The following FOCAD variants were observed in gnomAD, a reference collection of about 807,000 sequenced individuals.
FOCAD encodes the protein KIAA1797.
A neutral mutation model predicts 225.6 loss-of-function variants in FOCAD; 198 were observed. The ratio of observed to expected loss-of-function variants is 0.88; its 90% CI spans 0.78 to 0.99. FOCAD has a LOEUF of 0.99. Among genes scored for constraint, FOCAD ranks in the 50% least tolerant of loss-of-function variants. FOCAD has a pLI of 0.00. For missense variants in FOCAD, 2,713 were observed against 2,123.6 expected (o/e 1.28, Z -5.46); for synonymous variants, 897 against 755.0 (o/e 1.19, Z -3.08).
chr9:20,889,574 T>G (rs1459050777), intron 21 of FOCAD, among the ~76,000 whole-genome samples: 2 of 152,224 alleles, frequency 1.3e-5, no homozygotes, highest in Non-Finnish European at 2.9e-5. Context: ...ATTTCTGTAC[T>G]CACTTTTGTT....
intron 40 of FOCAD, among the ~76,000 whole-genome samples, chr9:20,987,804 G>A (rs1841320541): frequency 6.6e-6 from 1 of 152,130 alleles, no homozygotes; most frequent in African/African-American, 2.4e-5. Flanking sequence ...AGTCTTTACT[G>A]TGCTGGGAAT....
chr9:20,909,533 A>C (rs1443828166), intron 22 of FOCAD, among the ~76,000 whole-genome samples: 1 of 152,132 alleles, frequency 6.6e-6, no homozygotes, highest in African/African-American at 2.4e-5. Flanking sequence ...AATGCAGGTC[A>C]ATTATTCTGC....
intron 15 of FOCAD, 131 bp downstream of exon 15, chr9:20,823,246 A>G: frequency 1.9e-6 from 2 of 1,038,634 alleles, no homozygotes; most frequent in Non-Finnish European, 2.7e-6. Flanking sequence ...TTTTTCTTGG[A>G]AAAGTGAAGC....
chr9:20,819,952 C>A, intron 12 of FOCAD, 52 bp downstream of exon 12: 3 of 1,077,014 alleles, frequency 2.8e-6, no homozygotes, highest in African/African-American at 1.7e-5. Context: ...ATGAATAATA[C>A]TTTGAATTCT....
chr9:20,823,402 A>G (rs1268437472), intron 15 of FOCAD, among the ~76,000 whole-genome samples: 2 of 152,066 alleles, frequency 1.3e-5, no homozygotes, highest in Non-Finnish European at 2.9e-5. Context: ...AGTTATGCCT[A>G]TAGGAGAACT....
chr9:20,951,191 A>G, intron 34 of FOCAD, 93 bp downstream of exon 34: 1 of 922,712 alleles, frequency 1.1e-6, no homozygotes, highest in South Asian at 1.4e-5. Context: ...CTTCACAACA[A>G]CCCTAAGTAA....
At chr9:20,745,939 T>C (rs1828003254) in intron 5 of FOCAD, among the ~76,000 whole-genome samples, 1 of 152,180 alleles carries the variant, frequency 6.6e-6, no homozygotes. Context: ...TGTGTAATAG[T>C]ATATAGTTTA....
intron 1 of FOCAD, among the ~76,000 whole-genome samples, chr9:20,713,436 A>G (rs1367861203): frequency 1.3e-5 from 2 of 152,204 alleles, no homozygotes; most frequent in Admixed American, 1.3e-4. Context: ...CACCCTCTCT[A>G]GAAGAGACTG....
intron 15 of FOCAD, among the ~76,000 whole-genome samples, chr9:20,829,521 A>G (rs970942067): frequency 2.6e-5 from 4 of 151,700 alleles, no homozygotes; most frequent in Admixed American, 2.0e-4. Flanking sequence ...TTTTCCTATT[A>G]TTTTTGGCCA....
rs1830711231 is a variant in FOCAD, at chr9:20,882,034, A to G, written c.2481A>G (p.Pro827=). The G allele has an allele frequency of 6.2e-7, 1 of 1,613,446 alleles. No homozygotes were observed. The highest frequency in any genetic ancestry group is 1.3e-5 in the African/African-American group (1 of 74,874). Residue 827 remains proline, a synonymous_variant, in exon 20 of 44, where the codon CCA becomes CCG. Coordinates refer to ENST00000338382, the MANE Select transcript of FOCAD (RefSeq NM_001375567.1). The stretch of plus-strand genomic sequence containing the variant: ...AAATGTATGAAACAAACAAGCAACC[A>G]GGACTGAAACCTGGCCTTGCAGGTA... ...ILKMYETNKQ[P]GLKPGLAGGM... is the part of the protein sequence containing the mutation.
chr9:20,965,359 T>C (rs1459990242), intron 35 of FOCAD, among the ~76,000 whole-genome samples: 1 of 152,092 alleles, frequency 6.6e-6, no homozygotes, highest in Non-Finnish European at 1.5e-5. Flanking sequence ...TTCACAGAAA[T>C]CCAAAGACAG....
intron 5 of FOCAD, among the ~76,000 whole-genome samples, chr9:20,753,826 G>A (rs892780628): frequency 3.3e-5 from 5 of 150,246 alleles, no homozygotes; most frequent in Non-Finnish European, 7.4e-5. Flanking sequence ...TGCAGTGTTT[G>A]TGTTTATTTT....
chr9:20,732,777 G>A (rs142178514), intron 4 of FOCAD, among the ~76,000 whole-genome samples: 1 of 152,088 alleles, frequency 6.6e-6, no homozygotes, highest in African/African-American at 2.4e-5. Context: ...GGAAGTAGAG[G>A]GATTTGTGAG....
intron 1 of FOCAD, among the ~76,000 whole-genome samples, chr9:20,701,819 T>C (rs1823978087): frequency 6.6e-6 from 1 of 152,202 alleles, no homozygotes; most frequent in South Asian, 2.1e-4. Context: ...GATTACCTTT[T>C]TAGGATTGCA....
intron 6 of FOCAD, among the ~76,000 whole-genome samples, chr9:20,760,425 C>T (rs986242695): frequency 6.6e-5 from 10 of 152,304 alleles, no homozygotes; most frequent in African/African-American, 2.4e-4. Flanking sequence ...TCTATCTCAC[C>T]AGCTTTATCT....
chr9:20,768,681 T>C (rs1817849178), intron 7 of FOCAD, among the ~76,000 whole-genome samples: 1 of 152,170 alleles, frequency 6.6e-6, no homozygotes, highest in Non-Finnish European at 1.5e-5. Flanking sequence ...ATACAAGCTT[T>C]AGAAATAACC....
intron 1 of FOCAD, among the ~76,000 whole-genome samples, chr9:20,704,522 A>G (rs1356406676): frequency 6.6e-6 from 1 of 152,168 alleles, no homozygotes; most frequent in East Asian, 1.9e-4. Context: ...TTTATTTTGG[A>G]GGAAGATTTC....
At chr9:20,801,825 G>C (rs1456647067) in intron 11 of FOCAD, among the ~76,000 whole-genome samples, 3 of 152,140 alleles carry the variant, frequency 2.0e-5, no homozygotes, top group Non-Finnish European at 4.4e-5. Flanking sequence ...TAATTGAAAT[G>C]ATGGGTTATG....
At chr9:20,981,264 G>A (rs901850081) in intron 37 of FOCAD, among the ~76,000 whole-genome samples, 162 bp from the exon 38 acceptor site, 19 of 152,272 alleles carry the variant, frequency 1.2e-4, no homozygotes, top group African/African-American at 4.1e-4. Flanking sequence ...TGCATTGGTG[G>A]CCCATTGGAC....
Sources: allele counts gnomAD v4.1 joint callset (sites outside exome capture counted in the v4.1 genomes callset), GRCh38; gene constraint gnomAD v4.1.1; transcripts MANE v1.5; gene names NCBI Gene and HGNC (gene_info 2026-07-23, HGNC 2026-07-21).